The following MROH2A variants were observed in gnomAD, a reference collection of about 807,000 sequenced individuals.
MROH2A encodes maestro heat-like repeat-containing protein family member 2A.
In MROH2A, 174 loss-of-function variants were observed where a neutral mutation model predicts 200.4. That is an observed-to-expected ratio of 0.87 (90% confidence interval 0.77 to 0.98). The LOEUF (loss-of-function observed/expected upper bound fraction) is 0.98. MROH2A is among the 50% of genes least tolerant of loss of function. MROH2A has a pLI of 0.00. For synonymous variants in MROH2A, 829 were observed against 840.4 expected (o/e 0.99, Z 0.23); for missense variants, 2,045 against 2,139.6 (o/e 0.96, Z 0.87).
At chr2:233,785,123 A>G (rs11903524) in intron 3 of MROH2A, among the ~76,000 whole-genome samples, 120,474 of 151,322 alleles carry the variant, frequency 0.8, 48,061 homozygotes, top group East Asian at 0.88. Flanking sequence ...TCCAGCCTGG[A>G]TGAAAGAGCG....
chr2:233,801,940 C>A (rs1015319530), intron 14 of MROH2A, among the ~76,000 whole-genome samples: 2 of 152,156 alleles, frequency 1.3e-5, no homozygotes, highest in Non-Finnish European at 2.9e-5. Flanking sequence ...GGGATGCTGG[C>A]CCCAGCAGGG....
chr2:233,793,849 G>C (rs1363946158), intron 7 of MROH2A, 25 bp downstream of exon 7: 1 of 1,373,794 alleles, frequency 7.3e-7, no homozygotes, highest in African/African-American at 1.5e-5. Context: ...TCTTAGGAGG[G>C]CCTGGTGGTC....
At position 233,819,829 on chromosome 2, in the gene MROH2A, G is replaced by T. The variant is rs370191336; in HGVS notation, c.3358-73G>T. The T allele has an allele frequency of 1.6e-5, 23 of 1,416,982 alleles. No homozygotes were observed. The Admixed American group carries it at 6.6e-4, about 41-fold the overall frequency. The allele number at this position is 1,416,982 out of a possible 1,614,324, so 87.8% of individuals were successfully genotyped here. On this transcript the variant is annotated intron_variant, in intron 30 of 41. Transcript: ENST00000389758. Reference sequence around the variant, plus strand: ...CTGGGCCAGAGCCCTTAGAGCAGGGGCATGTCATGGGGTTAGTGCAGGAGG... The same window carrying T: ...CTGGGCCAGAGCCCTTAGAGCAGGGTCATGTCATGGGGTTAGTGCAGGAGG...
In MROH2A at chr2:233,799,906, G is replaced by A; in HGVS notation, c.1449+7G>A. The A allele has an allele frequency of 6.4e-7, 1 of 1,550,454 alleles. No individual in the cohort carries two copies. The highest frequency in any genetic ancestry group is 8.7e-7 in the Non-Finnish European group (1 of 1,146,922). The stretch of plus-strand genomic sequence containing the variant: ...CTTATCCACCTACAAACTGGTGAGT[G>A]GCCCTGATACGCAGACCGCAGAGCA... On this transcript the variant is annotated splice_region_variant and intron_variant, in intron 13 of 41. Transcript: ENST00000389758.
rs530851156 is a variant in MROH2A, at chr2:233,786,575, C to A, written c.277-2922C>A. On this transcript the variant is annotated intron_variant, in intron 3 of 41. Coordinates refer to ENST00000389758, the MANE Select transcript of MROH2A (RefSeq NM_001394639.1). ...CTTCAACATAGGAATTTTTAGGGTA[C>A]ATTATTCAATCTGTAACAGTTGTTT... Among the ~76,000 whole-genome samples the A allele has an allele frequency of 2.0e-5, 3 of 152,342 alleles. No homozygotes were observed. The East Asian group carries it at 5.8e-4, about 29-fold the overall frequency.
chr2:233,819,364 G>C lies in MROH2A; in HGVS notation c.3252G>C (p.Gln1084His). ...FSCDEVVSLIQKLCENTGAMN... is the reference protein window; with the variant it reads ...FSCDEVVSLIHKLCENTGAMN... The stretch of plus-strand genomic sequence containing the variant: ...GCGATGAGGTGGTCTCGCTCATCCA[G>C]AAGCTCTGCGAGAACACTGGGGCCA... The change falls in exon 30 of 42, where the codon CAG (glutamine) becomes CAC (histidine). Residue 1084 changes from glutamine to histidine, a missense_variant. Physicochemically the swap from Gln to His is conservative, Grantham distance 24. Coordinates refer to ENST00000389758, the MANE Select transcript of MROH2A (RefSeq NM_001394639.1). 2 of 1,550,480 alleles carry C rather than the reference G, an allele frequency of 1.3e-6. No homozygotes were observed. The highest frequency in any genetic ancestry group is 8.7e-7 in the Non-Finnish European group (1 of 1,146,856).
In MROH2A at chr2:233,822,257, C is replaced by T; in HGVS notation, c.3646C>T (p.Arg1216Cys). ...ISATSKADIW[R>C]LAAVDPLMTL... ...TGCCACCTCCAAGGCTGACATCTGG[C>T]GCCTGGCTGCGGTGGACCCCCTGAT... Residue 1216 changes from arginine to cysteine, a missense_variant, in exon 32 of 42, where the codon CGC (arginine) becomes TGC (cysteine). Physicochemically the swap from Arg to Cys is radical, Grantham distance 180. Around this residue, in one of 3 missense-constraint regions of MROH2A, gnomAD observed 1,201 missense variants for 1,311.3 expected, o/e 0.92. Coordinates refer to ENST00000389758, the MANE Select transcript of MROH2A (RefSeq NM_001394639.1). 11 of 1,547,402 alleles carry T rather than the reference C, an allele frequency of 7.1e-6. No individual in the cohort carries two copies. The highest frequency in any genetic ancestry group is 1.2e-5 in the South Asian group (1 of 84,036).
In MROH2A at chr2:233,789,976, T is replaced by C. The variant is rs537578655; in HGVS notation, c.533T>C (p.Phe178Ser). The change falls in exon 5 of 42, where the codon TTT (phenylalanine) becomes TCT (serine). Residue 178 changes from phenylalanine (F) to serine (S), a missense_variant. Around this residue, in one of 3 missense-constraint regions of MROH2A, gnomAD observed 831 missense variants for 800.0 expected, o/e 1.04. Coordinates refer to ENST00000389758, the MANE Select transcript of MROH2A (RefSeq NM_001394639.1). ...AAGCCCCTCAACCTCACTGATGAAT[T>C]TGTCATCATCACACTGGCCAAGCTG... ...HLKPLNLTDE[F>S]VIITLAKLAN... 4.6e-5 allele frequency: 71 copies of C among 1,550,368 alleles called. No individual in the cohort carries two copies. In the Middle Eastern group the frequency reaches 5.0e-4, roughly 11 times the overall value.
intron 22 of MROH2A, among the ~76,000 whole-genome samples, 197 bp from the exon 23 acceptor site, chr2:233,810,597 G>T (rs987449405): frequency 6.6e-6 from 1 of 152,252 alleles, no homozygotes; most frequent in Non-Finnish European, 1.5e-5. Context: ...TCCCCGCCAT[G>T]TGCCTGTGGC....
At chr2:233,777,273 A>G (rs1388652595), upstream of MROH2A, among the ~76,000 whole-genome samples, 2 of 152,102 alleles carry the variant, frequency 1.3e-5, no homozygotes, top group African/African-American at 4.8e-5. Flanking sequence ...CCTACCCTAT[A>G]TCCACTGCAG....
intron 3 of MROH2A, among the ~76,000 whole-genome samples, chr2:233,788,105 AC>A (rs1281861588): frequency 3.8e-5 from 4 of 106,534 alleles, no homozygotes; most frequent in African/African-American, 7.5e-5. Flanking sequence ...TATTATATAT[AC>A]ATATATATTA....
intron 39 of MROH2A, among the ~76,000 whole-genome samples, chr2:233,831,768 CTA>C (rs758711432): frequency 6.6e-6 from 1 of 152,230 alleles, no homozygotes; most frequent in Non-Finnish European, 1.5e-5. Flanking sequence ...AGAGGTGAAA[CTA>C]ATTTTCATGT....
At chr2:233,806,859 T>G (rs561889031) in intron 19 of MROH2A, among the ~76,000 whole-genome samples, 1 of 152,174 alleles carries the variant, frequency 6.6e-6, no homozygotes, top group Admixed American at 6.5e-5. Flanking sequence ...CATGAATAAA[T>G]GGGAATTTGC....
chr2:233,798,628 G>A (rs1702262500), intron 11 of MROH2A, 146 bp from the exon 12 acceptor site: 1 of 645,298 alleles, frequency 1.5e-6, no homozygotes, highest in Admixed American at 2.3e-5. Flanking sequence ...TGGCCAGGGA[G>A]AGCATGGCCA....
At position 233,820,511 on chromosome 2, in the gene MROH2A, G is replaced by GC. The variant is rs2124859859; in HGVS notation, c.3512+459dup. On this transcript the variant is annotated intron_variant, in intron 31 of 41. Coordinates refer to ENST00000389758, the MANE Select transcript of MROH2A (RefSeq NM_001394639.1). This position sits in a 1 kb window ranked among gnomAD's most constrained non-coding sequence, Gnocchi z 4.1. ...CAAGGGGAGAATGGCCCAACCTCCAGCCCCAGAGGTGGCCATGAGTGATGC... is the reference window on the plus strand; with the variant it reads ...CAAGGGGAGAATGGCCCAACCTCCAGCCCCCAGAGGTGGCCATGAGTGATGC... 6.6e-6 allele frequency among the ~76,000 whole-genome samples: 1 copy of GC among 152,252 alleles called. No individual in the cohort carries two copies. The highest frequency in any genetic ancestry group is 2.1e-4 in the South Asian group (1 of 4,820).
At chr2:233,832,406 A>G in intron 40 of MROH2A, 127 bp downstream of exon 40, 11 of 971,966 alleles carry the variant, frequency 1.1e-5, no homozygotes, top group Non-Finnish European at 1.7e-5. Flanking sequence ...GCTCAGGTCT[A>G]AGCCCTGCAC....
chr2:233,784,489 T>C (rs1297908647), intron 3 of MROH2A, among the ~76,000 whole-genome samples: 3 of 152,140 alleles, frequency 2.0e-5, no homozygotes. Flanking sequence ...CATGTGCTGA[T>C]GAGAAACTAA....
intron 14 of MROH2A, among the ~76,000 whole-genome samples, chr2:233,801,689 T>C (rs903562171): frequency 2.0e-5 from 3 of 152,318 alleles, no homozygotes; most frequent in African/African-American, 2.4e-5. Context: ...TTATGCACTT[T>C]CGTCACACCT....
Position 233,795,693 on chromosome 2 carries a change from C to T in MROH2A, c.1007C>T (p.Thr336Ile). 4 of 1,551,122 alleles carry T rather than the reference C, an allele frequency of 2.6e-6. No individual in the cohort carries two copies. Among genetic ancestry groups the T allele is most frequent in the South Asian group, 2.4e-5 (2 of 84,052 alleles). The change falls in exon 9 of 42, where the codon ACC becomes ATC. Residue 336 changes from threonine (T) to isoleucine (I), a missense_variant. Physicochemically the swap from Thr to Ile is moderately conservative, Grantham distance 89. Around this residue, in one of 3 missense-constraint regions of MROH2A, gnomAD observed 831 missense variants for 800.0 expected, o/e 1.04. Transcript: ENST00000389758. ...QILELSVTTN[T>I]PVPQMQLHTI... Reference sequence around the variant, plus strand: ...CTGGAACTGTCAGTCACCACCAACACCCCTGTCCCCCAAATGCAGCTACAC... The same window carrying T: ...CTGGAACTGTCAGTCACCACCAACATCCCTGTCCCCCAAATGCAGCTACAC...
Sources: gnomAD v4.1 joint callset for allele counts (sites outside exome capture counted in the v4.1 genomes callset) on GRCh38, gnomAD v4.1.1 for gene constraint, gnomAD v4.1.1 regional missense constraint, Gnocchi (gnomAD v3.1) non-coding constraint, MANE v1.5 for transcripts, NCBI Gene and HGNC (gene_info 2026-07-23, HGNC 2026-07-21) for gene names.